Variants in ZMYM2 observed in about 807,000 individuals in gnomAD.
The protein encoded by ZMYM2 is zinc finger MYM-type containing 2.
Under a neutral mutation model 162.8 loss-of-function variants are expected in ZMYM2, and 56 were observed. The observed-to-expected ratio is 0.34, with a 90% CI of 0.28 to 0.43. ZMYM2 has a LOEUF of 0.43. Ranked by LOEUF, ZMYM2 falls within the 20% of genes least tolerant of loss-of-function variation. ZMYM2 has a pLI of 1.00. For missense variants in ZMYM2, 1,275 were observed against 1,621.8 expected, an observed-to-expected ratio of 0.79 and a Z score of 3.67; for synonymous variants, 510 against 541.6, an observed-to-expected ratio of 0.94 and a Z score of 0.81.
chr13:19,971,263 T>TA (rs60439404), intron 2 of ZMYM2, among the ~76,000 whole-genome samples: 1,495 of 63,716 alleles, frequency 0.023, 18 homozygotes, highest in African/African-American at 0.061. Context: ...TATATATATA[T>TA]TTTTTTTTTT....
At chr13:20,054,438 T>G (rs1352159072) in intron 14 of ZMYM2, among the ~76,000 whole-genome samples, 1 of 152,192 alleles carries the variant, frequency 6.6e-6, no homozygotes, top group African/African-American at 2.4e-5. Flanking sequence ...GAGCCTCAGT[T>G]TCCTCCTATG....
chr13:19,930,583 G>A, the ZMYM2 span, among the ~76,000 whole-genome samples: 6 of 150,546 alleles, frequency 4.0e-5, no homozygotes, highest in Non-Finnish European at 7.4e-5. Flanking sequence ...TGTGGCCCAG[G>A]CTGGAGTGCA....
intron 9 of ZMYM2, among the ~76,000 whole-genome samples, chr13:20,030,356 C>T (rs1192869469): frequency 1.4e-5 from 2 of 147,026 alleles, no homozygotes; most frequent in Admixed American, 6.9e-5. Flanking sequence ...CTCAGCCTCC[C>T]AAGTAGCTGG....
the ZMYM2 span, among the ~76,000 whole-genome samples, chr13:19,878,304 C>T: frequency 1.3e-5 from 2 of 152,114 alleles, no homozygotes; most frequent in South Asian, 4.1e-4. Context: ...CTGCCTGCCT[C>T]AGCCTCCCAA....
At chr13:19,897,464 C>T in the ZMYM2 span, among the ~76,000 whole-genome samples, 1 of 151,870 alleles carries the variant, frequency 6.6e-6, no homozygotes, top group South Asian at 2.1e-4. Context: ...CCTGCTGGGC[C>T]CCTGGGCAGG....
the ZMYM2 span, among the ~76,000 whole-genome samples, chr13:19,871,387 G>T: frequency 2.6e-5 from 4 of 152,082 alleles, no homozygotes; most frequent in African/African-American, 9.7e-5. Flanking sequence ...ATTAACTAGA[G>T]AATTCTAAGG....
the ZMYM2 span, among the ~76,000 whole-genome samples, chr13:19,898,926 C>T: frequency 6.6e-6 from 1 of 151,506 alleles, no homozygotes; most frequent in African/African-American, 2.4e-5. Flanking sequence ...GAGCAAGACC[C>T]CACTTCTTTT....
intron 2 of ZMYM2, among the ~76,000 whole-genome samples, chr13:19,986,876 G>C (rs926082656): frequency 1.3e-4 from 20 of 151,980 alleles, no homozygotes; most frequent in Non-Finnish European, 2.1e-4. Flanking sequence ...GCCGAGGCAG[G>C]TGGATCACTT....
upstream of ZMYM2, chr13:19,958,618 AG>A (rs1954739017): frequency 1.3e-5 from 2 of 151,608 alleles, no homozygotes; most frequent in Non-Finnish European, 2.9e-5. Context: ...CGGCCGTCGG[AG>A]CCAATGGGCG....
At chr13:20,060,691 G>A (rs1383628139) in intron 16 of ZMYM2, among the ~76,000 whole-genome samples, 23 of 151,112 alleles carry the variant, frequency 1.5e-4, no homozygotes, top group African/African-American at 4.8e-4. Context: ...AAAAAAAAAA[G>A]AAAAATATTT....
At chr13:19,995,885 G>T in intron 3 of ZMYM2, among the ~76,000 whole-genome samples, 1 of 152,116 alleles carries the variant, frequency 6.6e-6, no homozygotes, top group African/African-American at 2.4e-5. Context: ...CAGCTACTTG[G>T]GGGGCTGAGG....
At chr13:20,007,071 T>G (rs1950799051) in intron 6 of ZMYM2, among the ~76,000 whole-genome samples, 1 of 152,254 alleles carries the variant, frequency 6.6e-6, no homozygotes, top group Non-Finnish European at 1.5e-5. Context: ...TGCAAATATT[T>G]CAAACTTTTA....
the ZMYM2 span, among the ~76,000 whole-genome samples, chr13:19,925,947 T>C: frequency 1.3e-5 from 2 of 151,952 alleles, no homozygotes; most frequent in Non-Finnish European, 1.5e-5. Flanking sequence ...CTGCACAAAT[T>C]TGTAGAAGAT....
In ZMYM2 at chr13:20,064,446, G is replaced by A; in HGVS notation, c.3038-5G>A. On this transcript the variant is annotated splice_region_variant and splice_polypyrimidine_tract_variant and intron_variant, in intron 18 of 24. Coordinates refer to ENST00000610343, the MANE Select transcript of ZMYM2 (RefSeq NM_197968.4). ...TTAAAATAAAAGTTCTGATTTGGTT[G>A]TCAGCTGCTGAGGAGCTTGATATGG... The A allele has an allele frequency of 3.8e-6, 6 of 1,584,358 alleles. No individual in the cohort carries two copies. The highest frequency in any genetic ancestry group is 4.3e-6 in the Non-Finnish European group (5 of 1,164,354).
At chr13:20,047,997 T>TA (rs1487038831) in intron 12 of ZMYM2, among the ~76,000 whole-genome samples, 1 of 152,032 alleles carries the variant, frequency 6.6e-6, no homozygotes, top group Non-Finnish European at 1.5e-5. Context: ...AGTATTGTAA[T>TA]ACAATAATAG....
chr13:20,033,999 C>T (rs1953441389), intron 10 of ZMYM2, among the ~76,000 whole-genome samples: 1 of 152,118 alleles, frequency 6.6e-6, no homozygotes, highest in Non-Finnish European at 1.5e-5. Flanking sequence ...CAACACCAGT[C>T]TATCATCTTA....
intron 6 of ZMYM2, among the ~76,000 whole-genome samples, chr13:20,018,972 C>T (rs1951840272): frequency 6.6e-6 from 1 of 151,012 alleles, no homozygotes; most frequent in Non-Finnish European, 1.5e-5. Context: ...CCCAGCTACT[C>T]AGGAGGTTGA....
At chr13:19,960,751 G>C (rs1955119290) in intron 2 of ZMYM2, among the ~76,000 whole-genome samples, 1 of 152,218 alleles carries the variant, frequency 6.6e-6, no homozygotes, top group Non-Finnish European at 1.5e-5. Flanking sequence ...AGAGGAAGAT[G>C]AAGATAGCCA....
the ZMYM2 span, among the ~76,000 whole-genome samples, chr13:19,908,040 C>T: frequency 4.6e-5 from 7 of 152,132 alleles, no homozygotes; most frequent in African/African-American, 1.7e-4. Context: ...GTAATCCCAG[C>T]ACTATGTGAG....
Sources: allele counts gnomAD v4.1 joint callset (sites outside exome capture counted in the v4.1 genomes callset), GRCh38; gene constraint gnomAD v4.1.1; transcripts MANE v1.5; gene names NCBI Gene and HGNC (gene_info 2026-07-23, HGNC 2026-07-21).